TMEM39B: variants seen among roughly 807,000 people sequenced by gnomAD.
TMEM39B encodes transmembrane protein 39B.
A neutral mutation model predicts 52.2 loss-of-function variants in TMEM39B; 23 were observed. That is an observed-to-expected ratio of 0.44 (90% CI 0.32 to 0.62). The LOEUF is 0.62. Ranked by LOEUF, TMEM39B falls within the 20% of genes least tolerant of loss-of-function variation. TMEM39B has a pLI of 0.06. For missense variants in TMEM39B, 547 were observed against 642.0 expected, an observed-to-expected ratio of 0.85 and a Z score of 1.60; for synonymous variants, 285 against 264.0, an observed-to-expected ratio of 1.08 and a Z score of -0.77.
At chr1:32,086,347 T>C (rs1640349316) in intron 5 of TMEM39B, among the ~76,000 whole-genome samples, 2 of 152,174 alleles carry the variant, frequency 1.3e-5, no homozygotes, top group South Asian at 4.1e-4. Context: ...TATTCTAGAC[T>C]TGTACCGTCC....
At chr1:32,082,410 C>G (rs1640137260) in intron 5 of TMEM39B, among the ~76,000 whole-genome samples, 3 of 152,098 alleles carry the variant, frequency 2.0e-5, no homozygotes, top group Admixed American at 2.0e-4. Context: ...CATTTCTTCT[C>G]TGTAGTTACA....
Position 32,091,750 on chromosome 1 carries a change from C to T in TMEM39B, c.666C>T (p.Ser222=), listed in dbSNP as rs536926794. The T allele has an allele frequency of 9.9e-6, 16 of 1,614,234 alleles. No individual in the cohort carries two copies. The East Asian group carries it at 1.3e-4, about 13-fold the overall frequency. ...RKTSLFNHMA[S]MGPREAVSGL... ...CAAGCCTCTTCAACCACATGGCCTC[C>T]ATGGGGCCCCGGGAGGCGGTCAGTG... is the stretch of plus-strand genomic sequence containing the variant. Residue 222 remains serine, a synonymous_variant, in exon 6 of 9, where the codon TCC becomes TCT. Transcript: ENST00000336294.
Position 32,091,768 on chromosome 1 carries a change from G to T in TMEM39B, c.684G>T (p.Ala228=). Residue 228 remains alanine (A), a synonymous_variant, in exon 6 of 9, where the codon GCG becomes GCT. Transcript: ENST00000336294. ...NHMASMGPRE[A]VSGLAKSRDY... ...TGGCCTCCATGGGGCCCCGGGAGGCGGTCAGTGGCCTGGCAAAGAGCCGGG... is the reference window on the plus strand; with the variant it reads ...TGGCCTCCATGGGGCCCCGGGAGGCTGTCAGTGGCCTGGCAAAGAGCCGGG... 6.2e-7 allele frequency: 1 copy of T among 1,614,186 alleles called. No individual in the cohort carries two copies. Among genetic ancestry groups the T allele is most frequent in the Non-Finnish European group, 8.5e-7 (1 of 1,180,044 alleles).
chr1:32,099,435 G>T (rs557579095), intron 7 of TMEM39B, among the ~76,000 whole-genome samples: 1 of 152,068 alleles, frequency 6.6e-6, no homozygotes, highest in African/African-American at 2.4e-5. Context: ...CCTGCATGTT[G>T]TACACATGTA....
intron 5 of TMEM39B, among the ~76,000 whole-genome samples, chr1:32,082,862 C>A (rs1174961102): frequency 6.6e-6 from 1 of 151,944 alleles, no homozygotes; most frequent in African/African-American, 2.4e-5. Context: ...GCAAGCTCTG[C>A]CTCCTGGGTT....
chr1:32,074,033 G>T (rs1639752157), intron 1 of TMEM39B, among the ~76,000 whole-genome samples: 1 of 152,164 alleles, frequency 6.6e-6, no homozygotes, highest in African/African-American at 2.4e-5. Context: ...ACAGTCGTGA[G>T]CCACCACACC....
chr1:32,097,817 T>C (rs1318170985), intron 7 of TMEM39B, among the ~76,000 whole-genome samples: 1 of 151,870 alleles, frequency 6.6e-6, no homozygotes, highest in Non-Finnish European at 1.5e-5. Flanking sequence ...GCTAATTTTT[T>C]GTATTTTTAG....
intron 4 of TMEM39B, 103 bp from the exon 5 acceptor site, chr1:32,077,061 C>A: frequency 6.6e-7 from 1 of 1,514,234 alleles, no homozygotes; most frequent in Non-Finnish European, 9.0e-7. Context: ...TGCTGTGCCA[C>A]CTCTCCCTGG....
chr1:32,087,118 GAAAGT>G (rs1267014654), intron 5 of TMEM39B: 1 of 151,952 alleles, frequency 6.6e-6, no homozygotes, highest in East Asian at 1.9e-4. Flanking sequence ...TTAAAAAAAA[GAAAGT>G]AAAACATCTC....
intron 1 of TMEM39B, 54 bp downstream of exon 1, chr1:32,073,105 A>G (rs1457241637): frequency 1.4e-6 from 2 of 1,403,364 alleles, no homozygotes; most frequent in African/African-American, 1.5e-5. Context: ...ACGGGTTAGG[A>G]TGGCCAGGCT....
chr1:32,085,538 G>T (rs762335136), intron 5 of TMEM39B, among the ~76,000 whole-genome samples: 11 of 151,992 alleles, frequency 7.2e-5, no homozygotes, highest in Non-Finnish European at 5.9e-5. Context: ...GGATCACAAG[G>T]TCAGGAGTTC....
intron 8 of TMEM39B, among the ~76,000 whole-genome samples, chr1:32,102,024 C>T (rs534562432): frequency 6.6e-6 from 1 of 152,042 alleles, no homozygotes; most frequent in African/African-American, 2.4e-5. Flanking sequence ...CAGCAATACC[C>T]AGGAGATGAC....
intron 8 of TMEM39B, 128 bp downstream of exon 8, chr1:32,100,690 C>T (rs1468698734): frequency 1.1e-5 from 14 of 1,290,782 alleles, no homozygotes; most frequent in Non-Finnish European, 1.4e-5. Context: ...GAAGACAGTG[C>T]ACACATGTAG....
At chr1:32,095,089 A>T in intron 7 of TMEM39B, 118 bp downstream of exon 7, 2 of 1,237,156 alleles carry the variant, frequency 1.6e-6, no homozygotes, top group Non-Finnish European at 2.2e-6. Context: ...CGTGTCTTGT[A>T]TATTATTAGG....
intron 1 of TMEM39B, among the ~76,000 whole-genome samples, chr1:32,074,463 G>A (rs1165050998): frequency 2.0e-5 from 3 of 152,144 alleles, no homozygotes; most frequent in African/African-American, 4.8e-5. Flanking sequence ...GCTGGGCACT[G>A]AGGTAGGGGA....
intron 8 of TMEM39B, among the ~76,000 whole-genome samples, chr1:32,101,005 T>C (rs758006466): frequency 3.6e-4 from 55 of 152,168 alleles, no homozygotes; most frequent in Non-Finnish European, 7.5e-4. Context: ...CACTCCAGCC[T>C]GGGCAACAGA....
Position 32,102,768 on chromosome 1 carries a change from G to A in TMEM39B, c.*95G>A. The A allele has an allele frequency of 2.2e-6, 3 of 1,350,808 alleles. No homozygotes were observed. The highest frequency in any genetic ancestry group is 2.0e-4 in the Middle Eastern group (1 of 5,062). 83.7% of individuals were successfully genotyped at this position (1,350,808 alleles called of 1,614,324 possible). On this transcript the variant is annotated 3_prime_UTR_variant, in exon 9 of 9. Coordinates refer to ENST00000336294, the MANE Select transcript of TMEM39B (RefSeq NM_018056.4). ...AGAAGTGGTGGTGGGGGGGACAAAA[G>A]ACAAAAAAATCCACCAGAGCTTTGT...
At position 32,099,211 on chromosome 1, in the gene TMEM39B, C is replaced by T. The variant is rs1210763142; in HGVS notation, c.1116-1231C>T. ...GAGCGCCACTGCACTCCAGCCTGGG[C>T]GGCAGAGTGAGACTCTGTCTCAAAA... is the stretch of plus-strand genomic sequence containing the variant. On this transcript the variant is annotated intron_variant, in intron 7 of 8. Coordinates refer to ENST00000336294, the MANE Select transcript of TMEM39B (RefSeq NM_018056.4). Among the ~76,000 whole-genome samples, 10 of 147,502 alleles carry T rather than the reference C, an allele frequency of 6.8e-5. 1 individual carries two copies. The Admixed American group carries it at 6.9e-4, about 10-fold the overall frequency.
chr1:32,072,337 T>C (rs528657770), upstream of TMEM39B: 1 of 139,206 alleles, frequency 7.2e-6, no homozygotes, highest in South Asian at 2.4e-4. Flanking sequence ...CATTTAACCC[T>C]CACCGAAACC....
Sources: allele counts gnomAD v4.1 joint callset (sites outside exome capture counted in the v4.1 genomes callset), GRCh38; gene constraint gnomAD v4.1.1; transcripts MANE v1.5; gene names NCBI Gene and HGNC (gene_info 2026-07-23, HGNC 2026-07-21).